DOK6: variants seen among roughly 807,000 people sequenced by gnomAD.
DOK6 encodes the protein docking protein 6, also known as downstream of tyrosine kinase 6.
DOK6 carries 22 observed loss-of-function variants against 44.0 expected under a neutral mutation model. That is an observed-to-expected ratio of 0.50 (90% CI 0.36 to 0.71). The LOEUF is 0.71. DOK6 is among the 30% of genes least tolerant of loss of function. The pLI, the probability that DOK6 is intolerant of heterozygous loss-of-function variation, is 0.00. For synonymous variants in DOK6, 166 were observed against 145.5 expected (o/e 1.14, Z -1.01); for missense variants, 340 against 416.4 (o/e 0.82, Z 1.60).
At position 69,697,973 on chromosome 18, in the gene DOK6, CA is replaced by C. The variant is rs1472364977; in HGVS notation, c.410-428del. ...GGGTGCATTAAATACTTCACATCAA[CA>C]AAGGTAAAAATCAAATAAGATCTTG... On this transcript the variant is annotated intron_variant, in intron 4 of 7. Coordinates refer to ENST00000382713, the MANE Select transcript of DOK6 (RefSeq NM_152721.6). Among the ~76,000 whole-genome samples, 3 of 151,298 alleles carry C rather than the reference CA, an allele frequency of 2.0e-5. No individual in the cohort carries two copies. The East Asian group carries it at 5.8e-4, about 29-fold the overall frequency.
At chr18:69,485,813 C>A (rs114229359) in intron 1 of DOK6, among the ~76,000 whole-genome samples, 1 of 151,726 alleles carries the variant, frequency 6.6e-6, no homozygotes, top group Non-Finnish European at 1.5e-5. Context: ...TGTCTCATTG[C>A]AGACTTCAGA....
intron 7 of DOK6, among the ~76,000 whole-genome samples, chr18:69,771,126 A>C (rs1979875919): frequency 6.6e-6 from 1 of 152,096 alleles, no homozygotes; most frequent in Non-Finnish European, 1.5e-5. Context: ...AAATTGCAAA[A>C]TAAATATAGC....
At chr18:69,591,752 A>C (rs1008893148) in intron 2 of DOK6, among the ~76,000 whole-genome samples, 12 of 152,076 alleles carry the variant, frequency 7.9e-5, no homozygotes, top group Non-Finnish European at 1.3e-4. Flanking sequence ...TAGACCTATG[A>C]ATTCTAGGAG....
In DOK6 at chr18:69,848,453, A is replaced by T. The variant is rs1368887638; in HGVS notation, c.*7070A>T. 6.6e-6 allele frequency: 1 copy of T among 152,202 alleles called. No homozygotes were observed. Among genetic ancestry groups the T allele is most frequent in the African/African-American group, 2.4e-5 (1 of 41,454 alleles). 9.4% of individuals were successfully genotyped at this position (152,202 alleles called of 1,614,324 possible). ...ATTCTAGATAAATGATAATTTGGGG[A>T]CATCTGTACTTAAAAACTAGCTGAA... On this transcript the variant is annotated 3_prime_UTR_variant, in exon 8 of 8. Transcript: ENST00000382713.
At position 69,499,762 on chromosome 18, in the gene DOK6, C is replaced by T. The variant is rs575681942; in HGVS notation, c.67-64725C>T. On this transcript the variant is annotated intron_variant, in intron 1 of 7. Coordinates refer to ENST00000382713, the MANE Select transcript of DOK6 (RefSeq NM_152721.6). ...TAACAAGTTCAGTTTCCAACATTTG[C>T]TTCATTTCATTAAACCTGCTCTTTC... is the stretch of plus-strand genomic sequence containing the variant. Among the ~76,000 whole-genome samples the T allele has an allele frequency of 1.2e-3, 190 of 152,134 alleles. 4 individuals carry two copies. The highest frequency in any genetic ancestry group is 3.3e-4 in the Admixed American group (5 of 15,282).
At position 69,688,672 on chromosome 18, in the gene DOK6, C is replaced by T. The variant is rs191655014; in HGVS notation, c.410-9732C>T. 3.9e-5 allele frequency among the ~76,000 whole-genome samples: 6 copies of T among 152,258 alleles called. No homozygotes were observed. In the East Asian group the frequency reaches 1.2e-3, roughly 29 times the overall value. Reference sequence around the variant, plus strand: ...CGAGCAGCTGGGATTGCAGGCACCCCCCATCACACCCGGCTATTTTTGTAT... The same window carrying T: ...CGAGCAGCTGGGATTGCAGGCACCCTCCATCACACCCGGCTATTTTTGTAT... On this transcript the variant is annotated intron_variant, in intron 4 of 7. Transcript: ENST00000382713.
rs548080127 is a variant in DOK6 at position 69,500,893 on chromosome 18, A to C, written c.67-63594A>C. ...TCTAACTGTCACCATTAAGACAGCT[A>C]ATGTGATTTATAAACACATGTATTT... is the stretch of plus-strand genomic sequence containing the variant. On this transcript the variant is annotated intron_variant, in intron 1 of 7. Transcript: ENST00000382713. Among the ~76,000 whole-genome samples the C allele has an allele frequency of 3.9e-5, 6 of 152,270 alleles. No individual in the cohort carries two copies. The East Asian group carries it at 1.2e-3, about 29-fold the overall frequency.
At chr18:69,468,074 G>A (rs140475985) in intron 1 of DOK6, among the ~76,000 whole-genome samples, 12 of 152,026 alleles carry the variant, frequency 7.9e-5, no homozygotes, top group South Asian at 6.2e-4. Flanking sequence ...TTATTAATTC[G>A]TCATTTATCC....
intron 7 of DOK6, among the ~76,000 whole-genome samples, chr18:69,772,074 G>C (rs1406660093): frequency 1.3e-5 from 2 of 151,664 alleles, no homozygotes; most frequent in African/African-American, 4.8e-5. Flanking sequence ...GGGAGGCTGA[G>C]GTGGAGGATC....
At chr18:69,539,629 C>T (rs1462866512) in intron 1 of DOK6, among the ~76,000 whole-genome samples, 2 of 151,898 alleles carry the variant, frequency 1.3e-5, no homozygotes, top group African/African-American at 4.8e-5. Flanking sequence ...CTTTCTTATT[C>T]CAGTAAGTGC....
intron 4 of DOK6, among the ~76,000 whole-genome samples, chr18:69,687,411 G>A (rs750963237): frequency 6.6e-6 from 1 of 151,228 alleles, no homozygotes; most frequent in Non-Finnish European, 1.5e-5. Flanking sequence ...AGGCATGACG[G>A]TGGCTCACAC....
chr18:69,747,585 T>C (rs985358290), intron 6 of DOK6, among the ~76,000 whole-genome samples: 2 of 150,604 alleles, frequency 1.3e-5, no homozygotes, highest in Admixed American at 1.3e-4. Context: ...GGAAGCTCTT[T>C]CCGCTCCGCC....
chr18:69,739,203 G>A (rs2144738014), intron 6 of DOK6, 100 bp downstream of exon 6: 1 of 1,503,322 alleles, frequency 6.7e-7, no homozygotes, highest in African/African-American at 1.4e-5. Context: ...CAGCGCCTGG[G>A]TGTCCACCCT....
intron 7 of DOK6, among the ~76,000 whole-genome samples, chr18:69,784,187 A>G (rs1980361898): frequency 2.0e-5 from 3 of 152,228 alleles, no homozygotes; most frequent in Admixed American, 2.0e-4. Flanking sequence ...TCTGCCTCAA[A>G]AAAAATAAAA....
In DOK6 at chr18:69,744,313, A is replaced by C. The variant is rs966677800; in HGVS notation, c.738+5210A>C. On this transcript the variant is annotated intron_variant, in intron 6 of 7. Transcript: ENST00000382713. Reference sequence around the variant, plus strand: ...CAACAGAGCAGGACTCCGTATCAAAAAAAAAAAAAAAGAATAACTGCAAAT... The same window carrying C: ...CAACAGAGCAGGACTCCGTATCAAACAAAAAAAAAAAGAATAACTGCAAAT... Among the ~76,000 whole-genome samples the C allele has an allele frequency of 4.2e-3, 256 of 61,582 alleles. 1 individual carries two copies. The highest frequency in any genetic ancestry group is 7.6e-3 in the Middle Eastern group (1 of 132). The allele number at this position is 61,582 out of a possible 152,430, so 40.4% of individuals were successfully genotyped here.
At chr18:69,585,012 AT>A (rs36067023) in intron 2 of DOK6, among the ~76,000 whole-genome samples, 79,804 of 148,884 alleles carry the variant, frequency 0.54, 25,053 homozygotes, top group Non-Finnish European at 0.72. Flanking sequence ...TTTTGTTTAG[AT>A]TTTTTTTTCA....
At chr18:69,668,955 T>G (rs2062243831) in intron 3 of DOK6, among the ~76,000 whole-genome samples, 1 of 152,140 alleles carries the variant, frequency 6.6e-6, no homozygotes, top group Admixed American at 6.5e-5. Flanking sequence ...CCAGGAAGTA[T>G]GGTAGGGTTT....
At chr18:69,766,257 A>T (rs1237514664) in intron 7 of DOK6, among the ~76,000 whole-genome samples, 2 of 152,188 alleles carry the variant, frequency 1.3e-5, no homozygotes, top group African/African-American at 2.4e-5. Context: ...CTGAAGAAGG[A>T]GGAGGGCAAG....
chr18:69,773,515 T>C (rs1424604015), intron 7 of DOK6, among the ~76,000 whole-genome samples: 6 of 151,962 alleles, frequency 3.9e-5, no homozygotes, highest in African/African-American at 1.2e-4. Context: ...TCAAAAAAGA[T>C]AGAAATCCTG....
Sources: allele counts gnomAD v4.1 joint callset (sites outside exome capture counted in the v4.1 genomes callset), GRCh38; gene constraint gnomAD v4.1.1; transcripts MANE v1.5; gene names NCBI Gene and HGNC (gene_info 2026-07-23, HGNC 2026-07-21).